PML: variants seen among roughly 807,000 people sequenced by gnomAD.
PML encodes the protein PML nuclear body scaffold.
A neutral mutation model predicts 65.2 loss-of-function variants in PML; 28 were observed. That is an observed-to-expected ratio of 0.43 (90% CI 0.32 to 0.59). The LOEUF (loss-of-function observed/expected upper bound fraction) is 0.59. PML is among the 20% of genes least tolerant of loss of function. The pLI, the probability that PML is intolerant of heterozygous loss-of-function variation, is 0.08. For missense variants in PML, 1,021 were observed against 1,203.4 expected (o/e 0.85, Z 2.24); for synonymous variants, 500 against 508.8 (o/e 0.98, Z 0.23).
At chr15:74,023,447 C>T (rs1298858917) in intron 3 of PML, 39 bp downstream of exon 3, 1 of 1,493,606 alleles carries the variant, frequency 6.7e-7, no homozygotes, top group Admixed American at 1.7e-5. Flanking sequence ...GCCTGTGCCT[C>T]TGCTGCACCC....
intron 1 of PML, among the ~76,000 whole-genome samples, chr15:73,995,691 G>A (rs917185971): frequency 6.6e-6 from 1 of 152,188 alleles, no homozygotes; most frequent in African/African-American, 2.4e-5. Context: ...GCCAGGTACT[G>A]TATTAAGCAC....
intron 2 of PML, among the ~76,000 whole-genome samples, chr15:74,001,212 T>C (rs2069744392): frequency 6.6e-6 from 1 of 152,310 alleles, no homozygotes; most frequent in African/African-American, 2.4e-5. Flanking sequence ...TGCTTACTGA[T>C]TTTAATGTTT....
At chr15:74,036,852 T>C (rs7183908) in intron 7 of PML, 402,649 of 806,568 alleles carry the variant, frequency 0.5, 101,070 homozygotes, top group East Asian at 0.63. Context: ...CCCTGCACCT[T>C]GCCATCACCG....
At position 74,010,185 on chromosome 15, in the gene PML, A is replaced by ATTTTTTTTTTTTTT. The variant is rs536738558; in HGVS notation, c.602+11724_602+11737dup. 1.7e-3 allele frequency among the ~76,000 whole-genome samples: 136 copies of ATTTTTTTTTTTTTT among 77,924 alleles called. 8 individuals are homozygous for ATTTTTTTTTTTTTT. Among genetic ancestry groups the ATTTTTTTTTTTTTT allele is most frequent in the Admixed American group, 2.6e-3 (14 of 5,442 alleles). 51.1% of individuals were successfully genotyped at this position (77,924 alleles called of 152,430 possible). A position where few individuals can be genotyped will look rare whatever the true frequency, so the allele number is the denominator to read the frequency against. On this transcript the variant is annotated intron_variant, in intron 2 of 8. Transcript: ENST00000268058. ...AGACATGCACCACCATGCCCAGCTA[A>ATTTTTTTTTTTTTT]TTTTTTTTTTTTTTTTTTTTTTTTT...
chr15:74,037,102 G>GTGGT lies in PML; in HGVS notation c.1710+2575_1710+2578dup, dbSNP rs1212846217. ...GGAGAAAGGCCTGGGAAAACTATGA[G>GTGGT]TGGTTGCCTGTGACTGCTAAGGGCT... On this transcript the variant is annotated intron_variant, in intron 7 of 8. Transcript: ENST00000268058. The surrounding 1 kb of genome is among the most constrained non-coding windows in gnomAD (Gnocchi z 4.2). 1 of 985,320 alleles carries GTGGT rather than the reference G, an allele frequency of 1.0e-6. No homozygotes were observed. Among genetic ancestry groups the GTGGT allele is most frequent in the Non-Finnish European group, 1.2e-6 (1 of 829,948 alleles). 61.0% of individuals were successfully genotyped at this position (985,320 alleles called of 1,614,324 possible).
In PML at chr15:74,044,259, A is replaced by G; in HGVS notation, c.1900A>G (p.Ser634Gly). ...ISQLAAVNRE[S>G]KFRVVIQPEA... ...CCAGCTGGCTGCGGTGAACCGGGAA[A>G]GCAAGTTCCGCGTGGTCATCCAGCC... The change falls in exon 9 of 9, where the codon AGC (serine) becomes GGC (glycine). Residue 634 changes from serine to glycine, a missense_variant. Transcript: ENST00000268058. 6.2e-7 allele frequency: 1 copy of G among 1,614,018 alleles called. No individual in the cohort carries two copies. The highest frequency in any genetic ancestry group is 8.5e-7 in the Non-Finnish European group (1 of 1,180,010).
chr15:74,044,421 T>C lies in PML; in HGVS notation c.2062T>C (p.Phe688Leu). Residue 688 changes from phenylalanine to leucine, a missense_variant, in exon 9 of 9, where the codon TTC (phenylalanine) becomes CTC (leucine). Physicochemically the swap from Phe to Leu is conservative, Grantham distance 22. Transcript: ENST00000268058. ...GTGGGGGCCTGGCCTCCCAAACTTC[T>C]TCCGGGCCCTGGAGGACATTAACAG... ...KLWGPGLPNF[F>L]RALEDINRLW... The C allele has an allele frequency of 6.2e-7, 1 of 1,614,200 alleles. No homozygotes were observed.
At chr15:74,006,459 C>T (rs2070061795) in intron 2 of PML, among the ~76,000 whole-genome samples, 1 of 150,862 alleles carries the variant, frequency 6.6e-6, no homozygotes, top group Non-Finnish European at 1.5e-5. Flanking sequence ...ATGGGTATCA[C>T]ATCTAGCATG....
At chr15:74,034,421 C>T (rs1333927591) in intron 6 of PML, 57 bp from the exon 7 acceptor site, 5 of 1,613,418 alleles carry the variant, frequency 3.1e-6, no homozygotes, top group African/African-American at 1.3e-5. Flanking sequence ...CACACCCACA[C>T]CCCTCCCAGC....
intron 2 of PML, among the ~76,000 whole-genome samples, chr15:74,019,065 G>A (rs752530971): frequency 1.1e-4 from 17 of 152,202 alleles, no homozygotes; most frequent in Non-Finnish European, 2.5e-4. Context: ...TCTTACCAGA[G>A]GGCTGGGGGC....
chr15:74,001,117 A>G (rs1299573061), intron 2 of PML, among the ~76,000 whole-genome samples: 1 of 152,138 alleles, frequency 6.6e-6, no homozygotes, highest in Non-Finnish European at 1.5e-5. Flanking sequence ...GCCTGTAACT[A>G]TACCCCCTTT....
chr15:74,025,259 C>T (rs1406045952), intron 4 of PML: 1 of 386,878 alleles, frequency 2.6e-6, no homozygotes, highest in Non-Finnish European at 5.0e-6. Context: ...TTAGTGCCTT[C>T]CAGCCATGAG....
rs2071737454 is a variant in PML, at chr15:74,043,622, G to T, written c.1861+483G>T. 2.1e-6 allele frequency: 1 copy of T among 475,938 alleles called. No homozygotes were observed. Among genetic ancestry groups the T allele is most frequent in the African/African-American group, 2.0e-5 (1 of 50,840 alleles). The allele number at this position is 475,938 out of a possible 1,614,324, so 29.5% of individuals were successfully genotyped here. Reference sequence around the variant, plus strand: ...AGCCCCTCTACTTCCTCCAGTGCTTGCCCTGGCTCTGCAAATGCCCCTCCT... The same window carrying T: ...AGCCCCTCTACTTCCTCCAGTGCTTTCCCTGGCTCTGCAAATGCCCCTCCT... On this transcript the variant is annotated intron_variant, in intron 8 of 8. Coordinates refer to ENST00000268058, the MANE Select transcript of PML (RefSeq NM_033238.3). This position sits in a 1 kb window ranked among gnomAD's most constrained non-coding sequence, Gnocchi z 4.3.
intron 8 of PML, 150 bp from the exon 9 acceptor site, chr15:74,044,071 C>G: frequency 1.4e-6 from 1 of 728,554 alleles, no homozygotes. Context: ...AGGATCAGAG[C>G]TGCATTTGGG....
At chr15:74,016,815 G>C (rs1484169551) in intron 2 of PML, among the ~76,000 whole-genome samples, 3 of 4,884 alleles carry the variant, frequency 6.1e-4, no homozygotes, top group Non-Finnish European at 1.5e-3. Context: ...TTTTTTTTTT[G>C]AGATGGAGTC....
At chr15:74,020,298 T>C (rs1194953786) in intron 2 of PML, among the ~76,000 whole-genome samples, 2 of 149,520 alleles carry the variant, frequency 1.3e-5, no homozygotes, top group Non-Finnish European at 1.5e-5. Flanking sequence ...TTTTTTTTTT[T>C]TTTTTTTTTG....
At chr15:74,016,144 G>T (rs1258723210) in intron 2 of PML, among the ~76,000 whole-genome samples, 1 of 152,084 alleles carries the variant, frequency 6.6e-6, no homozygotes, top group Non-Finnish European at 1.5e-5. Context: ...GAGTGTGGTG[G>T]TGCACGCCTA....
In PML at chr15:73,994,805, TG is replaced by T; in HGVS notation, c.-4del. 6.4e-7 allele frequency: 1 copy of T among 1,552,728 alleles called. No individual in the cohort carries two copies. Among genetic ancestry groups the T allele is most frequent in the Non-Finnish European group, 8.7e-7 (1 of 1,147,966 alleles). ...TCTAAACCGAGAATCGAAACTAAGC[TG>T]GGGTCCATGGAGCCTGCACCCGCCC... On this transcript the variant is annotated 5_prime_UTR_variant, in exon 1 of 9. Transcript: ENST00000268058.
intron 2 of PML, among the ~76,000 whole-genome samples, chr15:74,021,315 G>A (rs1210060011): frequency 6.6e-6 from 1 of 152,154 alleles, no homozygotes; most frequent in East Asian, 1.9e-4. Context: ...GGCCAGGCAC[G>A]GTGGCTCACA....
Sources: gnomAD v4.1 joint callset for allele counts (sites outside exome capture counted in the v4.1 genomes callset) on GRCh38, gnomAD v4.1.1 for gene constraint, Gnocchi (gnomAD v3.1) non-coding constraint, MANE v1.5 for transcripts, NCBI Gene and HGNC (gene_info 2026-07-23, HGNC 2026-07-21) for gene names.